ATP6V1G3: variants seen among roughly 807,000 people sequenced by gnomAD.
ATP6V1G3 encodes the protein V-type proton ATPase subunit G 3.
ATP6V1G3 carries 9 observed loss-of-function variants against 9.3 expected under a neutral mutation model. The ratio of observed to expected loss-of-function variants is 0.97; its 90% CI spans 0.59 to 1.69. The LOEUF is 1.69. ATP6V1G3 is among the 40% of genes most tolerant of loss of function. The pLI is 0.00. For synonymous variants in ATP6V1G3, 43 were observed against 43.8 expected, an observed-to-expected ratio of 0.98 and a Z score of 0.07; for missense variants, 133 against 139.0, an observed-to-expected ratio of 0.96 and a Z score of 0.22.
intron 1 of ATP6V1G3, among the ~76,000 whole-genome samples, chr1:198,535,816 A>G (rs557334291): frequency 1.3e-5 from 2 of 152,310 alleles, no homozygotes; most frequent in South Asian, 4.1e-4. Flanking sequence ...ACAGCTAATA[A>G]GAAGCAGAAG....
chr1:198,536,607 A>G (rs2103143421), intron 1 of ATP6V1G3: 3 of 1,287,278 alleles, frequency 2.3e-6, no homozygotes, highest in Non-Finnish European at 3.2e-6. Flanking sequence ...AATGAGTGAG[A>G]GCTTTAACTA....
At chr1:198,532,096 G>T (rs1413080712) in intron 1 of ATP6V1G3, among the ~76,000 whole-genome samples, 2 of 152,052 alleles carry the variant, frequency 1.3e-5, no homozygotes, top group Admixed American at 1.3e-4. Flanking sequence ...CAGCTGGGGA[G>T]ACAAAATTGG....
At chr1:198,536,583 G>A (rs1040580689) in intron 1 of ATP6V1G3, 3 of 1,070,112 alleles carry the variant, frequency 2.8e-6, no homozygotes, top group African/African-American at 3.2e-5. Context: ...TAGTAAGGCA[G>A]TTTTGCACAT....
chr1:198,537,263 G>A (rs1223640358), intron 1 of ATP6V1G3, among the ~76,000 whole-genome samples: 1 of 152,086 alleles, frequency 6.6e-6, no homozygotes, highest in Non-Finnish European at 1.5e-5. Context: ...TGTAGCAACT[G>A]CACCAGGATC....
intron 1 of ATP6V1G3, among the ~76,000 whole-genome samples, chr1:198,530,058 T>A (rs868275082): frequency 6.6e-6 from 1 of 152,162 alleles, no homozygotes; most frequent in African/African-American, 2.4e-5. Flanking sequence ...CCCACCACCT[T>A]GGGGCTTAGC....
At chr1:198,533,434 T>A (rs2103139341) in intron 1 of ATP6V1G3, among the ~76,000 whole-genome samples, 1 of 152,046 alleles carries the variant, frequency 6.6e-6, no homozygotes, top group African/African-American at 2.4e-5. Flanking sequence ...TTGCTGGAAA[T>A]GGTAAAGTAG....
At chr1:198,532,144 G>A (rs941574548) in intron 1 of ATP6V1G3, among the ~76,000 whole-genome samples, 1 of 152,102 alleles carries the variant, frequency 6.6e-6, no homozygotes, top group African/African-American at 2.4e-5. Flanking sequence ...ACAGAGATTT[G>A]CATATTAGTC....
chr1:198,537,817 C>G (rs1241986655), intron 1 of ATP6V1G3, among the ~76,000 whole-genome samples: 1 of 151,886 alleles, frequency 6.6e-6, no homozygotes, highest in African/African-American at 2.4e-5. Flanking sequence ...TAGTAGATAC[C>G]CAATAAACAC....
In ATP6V1G3 at chr1:198,529,195, A is replaced by AATATAT. The variant is rs139314248; in HGVS notation, c.83-20_83-15dup. The stretch of plus-strand genomic sequence containing the variant: ...GCTTTCCTTTTCCTGAAAATTAACA[A>AATATAT]ATATATATATATATATATATAATTA... On this transcript the variant is annotated splice_polypyrimidine_tract_variant and intron_variant, in intron 1 of 2. Coordinates refer to ENST00000367382, the MANE Select transcript of ATP6V1G3 (RefSeq NM_001376861.1). 3.5e-3 allele frequency: 1,644 copies of AATATAT among 466,232 alleles called. 29 individuals are homozygous for AATATAT. The highest frequency in any genetic ancestry group is 0.034 in the African/African-American group (1,503 of 44,822). 28.9% of individuals were successfully genotyped at this position (466,232 alleles called of 1,614,324 possible).
At chr1:198,533,578 A>G (rs1332672240) in intron 1 of ATP6V1G3, among the ~76,000 whole-genome samples, 1 of 152,198 alleles carries the variant, frequency 6.6e-6, no homozygotes, top group Non-Finnish European at 1.5e-5. Flanking sequence ...AATTTCGTTG[A>G]TATGCCTATT....
intron 2 of ATP6V1G3, among the ~76,000 whole-genome samples, chr1:198,524,990 C>A (rs1455962899): frequency 6.6e-6 from 1 of 152,224 alleles, no homozygotes; most frequent in Non-Finnish European, 1.5e-5. Flanking sequence ...GGTTCAAGTT[C>A]TTTCTGTTTA....
chr1:198,523,457 G>A lies in ATP6V1G3; in HGVS notation c.291C>T (p.Asn97=), dbSNP rs769046951. ...HYNKYMESVM[N]QLLSMVCDMK... is the part of the protein sequence containing the mutation. ...TGTCACAGACCATGCTCAAGAGCTG[G>A]TTCATCACACTTTCCATATACTTAT... The change falls in exon 3 of 3, where the codon AAC becomes AAT. Residue 97 remains asparagine, a synonymous_variant. Transcript: ENST00000367382. 1.5e-5 allele frequency: 25 copies of A among 1,613,366 alleles called. No homozygotes were observed. The Admixed American group carries it at 3.0e-4, about 19-fold the overall frequency.
At chr1:198,525,420 G>T (rs1202747145) in intron 2 of ATP6V1G3, among the ~76,000 whole-genome samples, 1 of 152,020 alleles carries the variant, frequency 6.6e-6, no homozygotes, top group Non-Finnish European at 1.5e-5. Context: ...TCAAGCTTAG[G>T]TTCTCTATTT....
intron 2 of ATP6V1G3, among the ~76,000 whole-genome samples, chr1:198,525,123 C>T (rs767392753): frequency 4.6e-5 from 7 of 152,144 alleles, no homozygotes; most frequent in Non-Finnish European, 8.8e-5. Flanking sequence ...GAAGCAGAAA[C>T]ATATGGATCG....
chr1:198,531,192 G>A (rs904669062), intron 1 of ATP6V1G3, among the ~76,000 whole-genome samples: 3 of 152,124 alleles, frequency 2.0e-5, no homozygotes, highest in Non-Finnish European at 4.4e-5. Flanking sequence ...GGAAATCGTT[G>A]CTGGCACAGC....
chr1:198,527,469 AGC>A (rs1395331969), intron 2 of ATP6V1G3, among the ~76,000 whole-genome samples: 1 of 152,182 alleles, frequency 6.6e-6, no homozygotes, highest in African/African-American at 2.4e-5. Context: ...ATTTAACACA[AGC>A]ACTTTCTGAA....
chr1:198,540,602 G>A lies in ATP6V1G3; in HGVS notation c.49C>T (p.Arg17Trp), dbSNP rs145635563. 7.7e-5 allele frequency: 125 copies of A among 1,613,932 alleles called. No individual in the cohort carries two copies. The highest frequency in any genetic ancestry group is 1.6e-4 in the Middle Eastern group (1 of 6,084). The change falls in exon 1 of 3, where the codon CGG becomes TGG. Residue 17 changes from arginine to tryptophan, a missense_variant. By Grantham distance (101) the Arg-to-Trp change is moderately radical. Transcript: ENST00000367382. ...GCTTCCTCTAGCTTGTCCTTGGCCCGTTTTTCTGCCTGAAGAAGCTGGTGG... is the reference window on the plus strand; with the variant it reads ...GCTTCCTCTAGCTTGTCCTTGGCCCATTTTTCTGCCTGAAGAAGCTGGTGG... The part of the protein sequence containing the change: ...GIHQLLQAEK[R>W]AKDKLEEAKK...
intron 1 of ATP6V1G3, among the ~76,000 whole-genome samples, chr1:198,529,946 A>G (rs984518163): frequency 1.2e-4 from 18 of 152,234 alleles, no homozygotes; most frequent in African/African-American, 3.9e-4. Flanking sequence ...GACGAATACA[A>G]TGCTGTGGTA....
chr1:198,539,907 G>C (rs1368453559), intron 1 of ATP6V1G3, among the ~76,000 whole-genome samples: 1 of 152,166 alleles, frequency 6.6e-6, no homozygotes, highest in Non-Finnish European at 1.5e-5. Context: ...CTATATGTAA[G>C]TACATGAATG....
Sources: allele counts gnomAD v4.1 joint callset (sites outside exome capture counted in the v4.1 genomes callset), GRCh38; gene constraint gnomAD v4.1.1; transcripts MANE v1.5; gene names NCBI Gene and HGNC (gene_info 2026-07-23, HGNC 2026-07-21).